MTHFD2L: variants seen among roughly 807,000 people sequenced by gnomAD.
MTHFD2L encodes methylenetetrahydrofolate dehydrogenase (NADP+ dependent) 2 like, also known as bifunctional methylenetetrahydrofolate dehydrogenase/cyclohydrolase 2, mitochondrial.
A neutral mutation model predicts 34.9 loss-of-function variants in MTHFD2L; 29 were observed. The observed-to-expected ratio is 0.83, with a 90% CI of 0.62 to 1.13. MTHFD2L has a LOEUF of 1.13. Among genes scored for constraint, MTHFD2L ranks in the 50% most tolerant of loss-of-function variants. The probability of loss-of-function intolerance (pLI) is 0.00; values close to 1 mark genes in which losing one functional copy is unlikely to be tolerated. For missense variants in MTHFD2L, 481 were observed against 446.5 expected (o/e 1.08, Z -0.70); for synonymous variants, 167 against 155.7 (o/e 1.07, Z -0.54).
At chr4:74,201,073 A>G (rs2110055935) in intron 4 of MTHFD2L, among the ~76,000 whole-genome samples, 190 bp from the exon 5 acceptor site, 1 of 152,314 alleles carries the variant, frequency 6.6e-6, no homozygotes, top group Admixed American at 6.5e-5. Flanking sequence ...TAATCAGAGA[A>G]GAAGTGACAA....
At chr4:74,224,422 T>C (rs1440502240) in intron 5 of MTHFD2L, among the ~76,000 whole-genome samples, 1 of 152,126 alleles carries the variant, frequency 6.6e-6, no homozygotes, top group East Asian at 1.9e-4. Flanking sequence ...TCTGTAGAAA[T>C]TAGGTCTTCC....
Position 74,301,714 on chromosome 4 carries a change from G to A in MTHFD2L, c.949G>A (p.Gly317Ser), listed in dbSNP as rs1412325117. The A allele has an allele frequency of 6.3e-7, 1 of 1,585,620 alleles. No homozygotes were observed. Among genetic ancestry groups the A allele is most frequent in the Non-Finnish European group, 8.6e-7 (1 of 1,167,090 alleles). The change falls in exon 8 of 8, where the codon GGC becomes AGC. Residue 317 changes from glycine to serine, a missense_variant. Coordinates refer to ENST00000325278, the MANE Select transcript of MTHFD2L (RefSeq NM_001144978.3). ...CTCATCAGCTGTTAAAAAGAAAGCT[G>A]GCTTTATCACTCCAGTTCCAGGAGG... ...VDFEAVKKKAGFITPVPGGVG... is the reference protein window; with the variant it reads ...VDFEAVKKKASFITPVPGGVG...
At chr4:74,281,207 G>C (rs1747419959) in intron 6 of MTHFD2L, among the ~76,000 whole-genome samples, 2 of 152,058 alleles carry the variant, frequency 1.3e-5, no homozygotes, top group South Asian at 4.1e-4. Context: ...TGAGAGGCTA[G>C]CTCCTGCAGG....
At chr4:74,199,049 A>G in intron 3 of MTHFD2L, among the ~76,000 whole-genome samples, 1 of 152,190 alleles carries the variant, frequency 6.6e-6, no homozygotes, top group East Asian at 1.9e-4. Context: ...TTAGTATATT[A>G]GGCATATGGG....
intron 3 of MTHFD2L, among the ~76,000 whole-genome samples, chr4:74,196,935 G>T: frequency 7.2e-6 from 1 of 139,530 alleles, no homozygotes; most frequent in African/African-American, 2.7e-5. Context: ...AACAGAATGA[G>T]ACTCTGTCTC....
Position 74,174,699 on chromosome 4 carries a change from G to C in MTHFD2L, c.328+9G>C, listed in dbSNP as rs756458760. ...AGCTGCCTCTGCTGTAGGTGGGTGTGTGTTTTAGTTGTAATTACTACTAAA... is the reference window on the plus strand; with the variant it reads ...AGCTGCCTCTGCTGTAGGTGGGTGTCTGTTTTAGTTGTAATTACTACTAAA... On this transcript the variant is annotated intron_variant, in intron 2 of 7. Coordinates refer to ENST00000325278, the MANE Select transcript of MTHFD2L (RefSeq NM_001144978.3). The C allele has an allele frequency of 6.9e-7, 1 of 1,455,688 alleles. No individual in the cohort carries two copies. Among genetic ancestry groups the C allele is most frequent in the Non-Finnish European group, 9.1e-7 (1 of 1,099,054 alleles). 90.2% of individuals were successfully genotyped at this position (1,455,688 alleles called of 1,614,324 possible). A position where few individuals can be genotyped will look rare whatever the true frequency, so the allele number is the denominator to read the frequency against.
intron 1 of MTHFD2L, among the ~76,000 whole-genome samples, chr4:74,130,003 C>A (rs1281835075): frequency 6.6e-6 from 1 of 152,094 alleles, no homozygotes; most frequent in Non-Finnish European, 1.5e-5. Flanking sequence ...GGACAAATTC[C>A]TGGACACATA....
At chr4:74,132,219 A>G (rs953682019) in intron 1 of MTHFD2L, among the ~76,000 whole-genome samples, 1 of 152,128 alleles carries the variant, frequency 6.6e-6, no homozygotes, top group Admixed American at 6.6e-5. Flanking sequence ...ATACCATTTG[A>G]CCAGCAATCT....
upstream of MTHFD2L, among the ~76,000 whole-genome samples, chr4:74,119,432 A>C (rs1721712273): frequency 6.6e-6 from 1 of 152,206 alleles, no homozygotes. Context: ...GTGGGAAAGA[A>C]CCAATGATGA....
chr4:74,135,962 A>G (rs979085612), intron 1 of MTHFD2L, among the ~76,000 whole-genome samples: 1 of 152,176 alleles, frequency 6.6e-6, no homozygotes, highest in East Asian at 1.9e-4. Flanking sequence ...CAAACTGGGC[A>G]TAGAAGAAAC....
intron 2 of MTHFD2L, among the ~76,000 whole-genome samples, chr4:74,117,339 T>C (rs768879916): frequency 2.0e-5 from 3 of 152,124 alleles, no homozygotes; most frequent in Non-Finnish European, 2.9e-5. Flanking sequence ...ATGTGTGAGG[T>C]TCCTGGGATT....
intron 1 of MTHFD2L, among the ~76,000 whole-genome samples, chr4:74,141,027 C>T (rs1433623643): frequency 6.6e-6 from 1 of 152,128 alleles, no homozygotes; most frequent in Non-Finnish European, 1.5e-5. Context: ...TATGACAGTA[C>T]TCATATTCTC....
intron 6 of MTHFD2L, among the ~76,000 whole-genome samples, chr4:74,237,799 T>C (rs1389082694): frequency 6.6e-6 from 1 of 152,192 alleles, no homozygotes; most frequent in Non-Finnish European, 1.5e-5. Flanking sequence ...TCAGCACCAC[T>C]GACTCAGAGC....
At chr4:74,181,061 G>T (rs1730072068) in intron 3 of MTHFD2L, among the ~76,000 whole-genome samples, 1 of 152,002 alleles carries the variant, frequency 6.6e-6, no homozygotes, top group South Asian at 2.1e-4. Flanking sequence ...GGAACCAGTG[G>T]CATCCTTTTC....
upstream of MTHFD2L, chr4:74,157,748 G>A (rs1426982794): frequency 4.2e-6 from 2 of 473,184 alleles, no homozygotes; most frequent in Non-Finnish European, 8.4e-6. Flanking sequence ...CACGGAGACT[G>A]TTGGGCAGGA....
At chr4:74,175,129 C>T in intron 2 of MTHFD2L, 152 bp from the exon 3 acceptor site, 1 of 819,132 alleles carries the variant, frequency 1.2e-6, no homozygotes, top group Non-Finnish European at 1.9e-6. Flanking sequence ...CAAGAGGAAA[C>T]ACCTGTACTA....
At chr4:74,244,969 C>T (rs1325364352) in intron 6 of MTHFD2L, among the ~76,000 whole-genome samples, 2 of 151,748 alleles carry the variant, frequency 1.3e-5, no homozygotes, top group East Asian at 1.9e-4. Context: ...CCGAGGCGGG[C>T]GGATCACAAG....
At chr4:74,187,601 A>T (rs1731539388) in intron 3 of MTHFD2L, among the ~76,000 whole-genome samples, 1 of 152,216 alleles carries the variant, frequency 6.6e-6, no homozygotes. Context: ...AAATTAAAAT[A>T]TCAACTGACT....
At chr4:74,257,640 AATG>A (rs1364730375) in intron 6 of MTHFD2L, among the ~76,000 whole-genome samples, 1 of 152,182 alleles carries the variant, frequency 6.6e-6, no homozygotes, top group African/African-American at 2.4e-5. Context: ...AACAGAACTG[AATG>A]GAGAAATATA....
Sources: gnomAD v4.1 joint callset for allele counts (sites outside exome capture counted in the v4.1 genomes callset) on GRCh38, gnomAD v4.1.1 for gene constraint, MANE v1.5 for transcripts, NCBI Gene and HGNC (gene_info 2026-07-23, HGNC 2026-07-21) for gene names.